The following DTWD2 variants were observed in gnomAD, a reference collection of about 807,000 sequenced individuals.
DTWD2 encodes DTW motif tRNA-uridine aminocarboxypropyltransferase 2.
A neutral mutation model predicts 31.8 loss-of-function variants in DTWD2; 39 were observed. The ratio of observed to expected loss-of-function variants is 1.22; its 90% CI spans 0.95 to 1.60. The LOEUF is 1.60. DTWD2 is among the 40% of genes most tolerant of loss of function. The probability of loss-of-function intolerance (pLI) is 0.00; values close to 1 mark genes in which losing one functional copy is unlikely to be tolerated. For missense variants in DTWD2, 515 were observed against 381.5 expected (o/e 1.35, Z -2.92); for synonymous variants, 180 against 142.8 (o/e 1.26, Z -1.86).
chr5:118,842,019 T>C (rs559248284), intron 5 of DTWD2, among the ~76,000 whole-genome samples: 1 of 152,248 alleles, frequency 6.6e-6, no homozygotes, highest in South Asian at 2.1e-4. Context: ...AATTAACAAA[T>C]GTAGTAAGGG....
Position 118,963,215 on chromosome 5 carries a change from T to G in DTWD2, c.219-18566A>C, listed in dbSNP as rs193128727. On this transcript the variant is annotated intron_variant, in intron 1 of 5. Transcript: ENST00000510708. ...AGAGAAAAAAGACAAAGTGAGGAGT[T>G]AGAAGAAGAAACTATTCAAACTTGG... 2.0e-4 allele frequency among the ~76,000 whole-genome samples: 30 copies of G among 152,338 alleles called. No homozygotes were observed. The East Asian group carries it at 5.8e-3, about 29-fold the overall frequency.
intron 4 of DTWD2, among the ~76,000 whole-genome samples, chr5:118,899,696 T>C (rs1343497603): frequency 6.6e-6 from 1 of 151,894 alleles, no homozygotes; most frequent in Non-Finnish European, 1.5e-5. Context: ...ATGCCCTCCC[T>C]ACAAAAGAAA....
intron 1 of DTWD2, among the ~76,000 whole-genome samples, chr5:118,982,646 T>C (rs1187136619): frequency 6.6e-6 from 1 of 151,752 alleles, no homozygotes; most frequent in African/African-American, 2.4e-5. Flanking sequence ...AAGTTATCAA[T>C]AATCTAGCTG....
chr5:118,853,854 T>C (rs1444138766), intron 4 of DTWD2, among the ~76,000 whole-genome samples: 1 of 152,178 alleles, frequency 6.6e-6, no homozygotes, highest in Non-Finnish European at 1.5e-5. Context: ...ATGTACCCTC[T>C]GAATCTACGA....
At chr5:118,858,122 T>C (rs1279525542) in intron 4 of DTWD2, among the ~76,000 whole-genome samples, 1 of 152,144 alleles carries the variant, frequency 6.6e-6, no homozygotes, top group East Asian at 1.9e-4. Context: ...TTTGTGGTTA[T>C]TTGTCACACA....
chr5:118,941,041 T>C (rs1264328403), intron 2 of DTWD2, among the ~76,000 whole-genome samples: 1 of 152,188 alleles, frequency 6.6e-6, no homozygotes, highest in Non-Finnish European at 1.5e-5. Flanking sequence ...TTTGAAATGC[T>C]CCATCATATC....
intron 4 of DTWD2, among the ~76,000 whole-genome samples, chr5:118,904,941 C>T (rs920035980): frequency 6.6e-6 from 1 of 152,040 alleles, no homozygotes. Context: ...AGAGAACATT[C>T]AGGGAAGGTA....
At position 118,947,115 on chromosome 5, in the gene DTWD2, G is replaced by T. The variant is rs111678640; in HGVS notation, c.219-2466C>A. 5.4e-3 allele frequency among the ~76,000 whole-genome samples: 820 copies of T among 152,234 alleles called. 9 individuals are homozygous for T. Among genetic ancestry groups the T allele is most frequent in the African/African-American group, 0.019 (796 of 41,500 alleles). On this transcript the variant is annotated intron_variant, in intron 1 of 5. Transcript: ENST00000510708. ...TCAACGCCTGGTGGGACGGGGAGCA[G>T]CAGGTGAGCAAGTGCAGGAGCCAGA...
In DTWD2 at chr5:118,917,462, T is replaced by C. The variant is rs559289819; in HGVS notation, c.597+11075A>G. On this transcript the variant is annotated intron_variant, in intron 4 of 5. Transcript: ENST00000510708. ...TGTTCAAATGCAAGAATACAGTCCA[T>C]TTCAGAGACAATATTAGTCTGTTCT... Among the ~76,000 whole-genome samples, 36 of 152,316 alleles carry C rather than the reference T, an allele frequency of 2.4e-4. No homozygotes were observed. In the East Asian group the frequency reaches 6.4e-3, roughly 27 times the overall value.
chr5:118,963,890 A>C (rs1375439617), intron 1 of DTWD2, among the ~76,000 whole-genome samples: 2 of 152,156 alleles, frequency 1.3e-5, no homozygotes, highest in Non-Finnish European at 2.9e-5. Flanking sequence ...TAATACCCCC[A>C]GTACCTAACT....
chr5:118,844,057 T>C (rs896781914), intron 5 of DTWD2, among the ~76,000 whole-genome samples: 27 of 152,230 alleles, frequency 1.8e-4, no homozygotes, highest in African/African-American at 6.0e-4. Flanking sequence ...GTTGGGTGCC[T>C]GAGTGACTGC....
chr5:118,971,585 T>TTG (rs1561476997), intron 1 of DTWD2, among the ~76,000 whole-genome samples: 1 of 151,976 alleles, frequency 6.6e-6, no homozygotes. Context: ...AGACAGAAAA[T>TTG]TAACAAAGAT....
chr5:118,909,287 C>T (rs563004414), intron 4 of DTWD2, among the ~76,000 whole-genome samples: 1 of 152,186 alleles, frequency 6.6e-6, no homozygotes, highest in Non-Finnish European at 1.5e-5. Flanking sequence ...CTCAACAGCC[C>T]TTGGGGTCAC....
chr5:118,979,715 T>C (rs1441601506), intron 1 of DTWD2, among the ~76,000 whole-genome samples: 1 of 152,254 alleles, frequency 6.6e-6, no homozygotes, highest in African/African-American at 2.4e-5. Context: ...TGGATGAAGC[T>C]GGATACTTTA....
At chr5:118,943,138 C>T (rs1034966420) in intron 2 of DTWD2, among the ~76,000 whole-genome samples, 1 of 152,052 alleles carries the variant, frequency 6.6e-6, no homozygotes, top group African/African-American at 2.4e-5. Context: ...TTGCTGTGGC[C>T]GGCAAGCTAT....
In DTWD2 at chr5:118,838,581, G is replaced by A. The variant is rs1394342164; in HGVS notation, c.*2336C>T. 1 of 152,120 alleles carries A rather than the reference G, an allele frequency of 6.6e-6. No individual in the cohort carries two copies. Among genetic ancestry groups the A allele is most frequent in the Non-Finnish European group, 1.5e-5 (1 of 68,024 alleles). 9.4% of individuals were successfully genotyped at this position (152,120 alleles called of 1,614,324 possible). On this transcript the variant is annotated 3_prime_UTR_variant, in exon 6 of 6. Transcript: ENST00000510708. ...ACTGTTTAATGAGAACAGGTGACTA[G>A]AGAAGCATTTTATACCACAGATGAT...
chr5:118,877,467 G>A (rs113141191), intron 4 of DTWD2, among the ~76,000 whole-genome samples: 6,144 of 151,392 alleles, frequency 0.041, 407 homozygotes, highest in African/African-American at 0.14. Context: ...GCAAGACTCC[G>A]TCTCAAAAAT....
intron 4 of DTWD2, among the ~76,000 whole-genome samples, chr5:118,859,156 T>C (rs1218755404): frequency 6.6e-6 from 1 of 151,544 alleles, no homozygotes; most frequent in Non-Finnish European, 1.5e-5. Context: ...TGCATGACTA[T>C]AATTTTTCTA....
At chr5:118,977,072 A>T (rs1433358115) in intron 1 of DTWD2, among the ~76,000 whole-genome samples, 1 of 152,220 alleles carries the variant, frequency 6.6e-6, no homozygotes, top group Non-Finnish European at 1.5e-5. Context: ...CATAAACAGA[A>T]CCAATGACAA....
Sources: allele counts gnomAD v4.1 joint callset (sites outside exome capture counted in the v4.1 genomes callset), GRCh38; gene constraint gnomAD v4.1.1; transcripts MANE v1.5; gene names NCBI Gene and HGNC (gene_info 2026-07-23, HGNC 2026-07-21).